Variants in KRT26 observed in about 807,000 individuals in gnomAD.
KRT26 encodes keratin, type I cytoskeletal 26.
A neutral mutation model predicts 46.1 loss-of-function variants in KRT26; 45 were observed. The observed-to-expected ratio is 0.98, with a 90% CI of 0.77 to 1.25. The LOEUF (loss-of-function observed/expected upper bound fraction) is 1.25, where lower values mean the gene tolerates loss of function less well. KRT26 is among the 50% of genes most tolerant of loss of function. KRT26 has a pLI of 0.00. For missense variants in KRT26, 582 were observed against 560.1 expected, an observed-to-expected ratio of 1.04 and a Z score of -0.39; for synonymous variants, 191 against 209.9, an observed-to-expected ratio of 0.91 and a Z score of 0.78.
intron 7 of KRT26, 105 bp from the exon 8 acceptor site, chr17:40,766,771 G>A (rs938167334): frequency 7.9e-6 from 6 of 756,896 alleles, no homozygotes; most frequent in South Asian, 3.6e-5. Flanking sequence ...AAGGAGTCTC[G>A]CTCTGTCACC....
intron 6 of KRT26, among the ~76,000 whole-genome samples, chr17:40,767,876 C>T (rs1226258677): frequency 1.3e-5 from 2 of 152,020 alleles, no homozygotes; most frequent in Admixed American, 6.6e-5. Context: ...CAGAAATTAC[C>T]TCTTTCATCT....
At chr17:40,766,626 T>A in exon 8 of KRT26, 1 of 1,612,808 alleles carries the variant, frequency 6.2e-7, no homozygotes, top group Non-Finnish European at 8.5e-7. Context: ...TTTGATCCAG[T>A]TCCTCAACCA....
At chr17:40,767,018 G>GCATGAC (rs532264694) in intron 7 of KRT26, among the ~76,000 whole-genome samples, 18 of 152,226 alleles carry the variant, frequency 1.2e-4, no homozygotes, top group Non-Finnish European at 2.4e-4. Flanking sequence ...GGGATTACAA[G>GCATGAC]CATGAGCCAC....
At chr17:40,769,969 T>A (rs1395844351) in exon 4 of KRT26, 2 of 1,614,086 alleles carry the variant, frequency 1.2e-6, no homozygotes, top group Non-Finnish European at 1.7e-6. Context: ...ACCCTCTCGT[T>A]GAACCAGGCT....
At chr17:40,768,119 G>A (rs956144725) in intron 6 of KRT26, among the ~76,000 whole-genome samples, 3 of 152,196 alleles carry the variant, frequency 2.0e-5, no homozygotes, top group Non-Finnish European at 4.4e-5. Flanking sequence ...TGAGGAGGGA[G>A]CAATCACTGT....
exon 8 of KRT26, chr17:40,766,265 G>A (rs748405928): frequency 1.3e-5 from 4 of 309,840 alleles, no homozygotes; most frequent in Non-Finnish European, 2.3e-5. Context: ...TTAATGAAAT[G>A]TCAAAAAAGG....
intron 2 of KRT26, 44 bp downstream of exon 2, chr17:40,771,110 T>A: frequency 8.6e-7 from 1 of 1,162,028 alleles, no homozygotes; most frequent in Non-Finnish European, 1.2e-6. Context: ...AATTGTAATA[T>A]TTTAACTTTT....
intron 5 of KRT26, among the ~76,000 whole-genome samples, chr17:40,769,312 A>G (rs2038198502): frequency 6.6e-6 from 1 of 151,998 alleles, no homozygotes. Flanking sequence ...ACATGCCACC[A>G]CACCCAGCTA....
At chr17:40,771,495 C>A (rs951469981) in intron 1 of KRT26, among the ~76,000 whole-genome samples, 178 bp downstream of exon 1, 1 of 152,096 alleles carries the variant, frequency 6.6e-6, no homozygotes, top group African/African-American at 2.4e-5. Context: ...GAAATGATTT[C>A]TTTTTCATTA....
At chr17:40,770,456 C>A in intron 2 of KRT26, 47 bp from the exon 3 acceptor site, 1 of 1,459,846 alleles carries the variant, frequency 6.9e-7, no homozygotes, top group Non-Finnish European at 9.3e-7. Context: ...TAGGCAGGTG[C>A]AAAGCACAAC....
rs200496634 is a variant in KRT26, at chr17:40,770,445, G to T, written c.525-36C>A. ...AGTAAGGCACCTGAGAGTTGTCATC[G>T]TAGGCAGGTGCAAAGCACAACTTTT... On this transcript the variant is annotated intron_variant, in intron 2 of 7. Coordinates refer to ENST00000335552, the Ensembl canonical transcript of KRT26. 3 of 1,534,846 alleles carry T rather than the reference G, an allele frequency of 2.0e-6. No individual in the cohort carries two copies. The East Asian group carries it at 6.8e-5, about 35-fold the overall frequency.
At chr17:40,768,794 C>G (rs962713042) in intron 6 of KRT26, 85 bp downstream of exon 6, 1 of 675,632 alleles carries the variant, frequency 1.5e-6, no homozygotes, top group African/African-American at 1.9e-5. Context: ...GTAGGAAATT[C>G]TAGGATGCAA....
chr17:40,766,903 C>G (rs183943746), intron 7 of KRT26, among the ~76,000 whole-genome samples: 1 of 152,210 alleles, frequency 6.6e-6, no homozygotes, highest in East Asian at 1.9e-4. Context: ...CAATGCCTGG[C>G]TAATTTTTGT....
exon 1 of KRT26, chr17:40,772,114 G>T: frequency 6.2e-7 from 1 of 1,613,308 alleles, no homozygotes; most frequent in Middle Eastern, 1.7e-4. Flanking sequence ...GAAAAGACAT[G>T]GTGGCAGCAC....
intron 5 of KRT26, 32 bp downstream of exon 5, chr17:40,769,722 A>G (rs2038202944): frequency 6.2e-7 from 1 of 1,611,554 alleles, no homozygotes; most frequent in Non-Finnish European, 8.5e-7. Context: ...ATATTCACAC[A>G]TATATTCAAT....
At position 40,771,345 on chromosome 17, in the gene KRT26, C is replaced by CT. The variant is rs1441300370; in HGVS notation, c.442-110dup. ...ATCTGTCAAACATCTGTTTTAGTAT[C>CT]TTTTTTCTATGTTAAAGAAATCTGG... On this transcript the variant is annotated intron_variant, in intron 1 of 7. Transcript: ENST00000335552. 81 of 634,532 alleles carry CT rather than the reference C, an allele frequency of 1.3e-4. 3 individuals carry two copies. The highest frequency in any genetic ancestry group is 9.6e-4 in the African/African-American group (52 of 54,020). 39.3% of individuals were successfully genotyped at this position (634,532 alleles called of 1,614,324 possible).
chr17:40,770,178 C>A lies in KRT26; in HGVS notation c.682-56G>T, dbSNP rs960412364. ...GGAGGATTTTGATTGATGTTCATGC[C>A]CTGCTACGAAATGAACAGTGGACTT... On this transcript the variant is annotated intron_variant, in intron 3 of 7. Coordinates refer to ENST00000335552, the Ensembl canonical transcript of KRT26. 7 of 1,612,550 alleles carry A rather than the reference C, an allele frequency of 4.3e-6. No homozygotes were observed. In the African/African-American group the frequency reaches 9.3e-5, roughly 22 times the overall value.
intron 5 of KRT26, 135 bp from the exon 6 acceptor site, chr17:40,769,231 C>T: frequency 3.5e-6 from 2 of 575,218 alleles, no homozygotes; most frequent in South Asian, 2.4e-5. Context: ...GATCTTGGCT[C>T]ACTGCAGCCT....
rs62621360 is a variant in KRT26 at position 40,772,004 on chromosome 17, G to T, written c.110C>A (p.Ser37Ter). ...ACAAGAAAAGCTGCTTCTTGCTCCC[G>T]ATCCAACACACACATTCCCAGCCAC... Residue 37 changes from serine (S) to a stop codon, truncating the protein, a stop_gained, in exon 1 of 8, where the codon TCG becomes TAG. Transcript: ENST00000335552. LOFTEE classifies it high-confidence loss of function. The T allele has an allele frequency of 4.6e-4, 739 of 1,614,068 alleles. 5 individuals carry two copies. In the African/African-American group the frequency reaches 9.0e-3, roughly 20 times the overall value.
Sources: allele counts gnomAD v4.1 joint callset (sites outside exome capture counted in the v4.1 genomes callset), GRCh38; gene constraint gnomAD v4.1.1; transcripts MANE v1.5; gene names NCBI Gene and HGNC (gene_info 2026-07-23, HGNC 2026-07-21).